MS4A15: variants seen among roughly 807,000 people sequenced by gnomAD.
The protein encoded by MS4A15 is membrane-spanning 4-domains subfamily A member 15.
In MS4A15, 22 loss-of-function variants were observed where a neutral mutation model predicts 20.6. That is an observed-to-expected ratio of 1.07 (90% confidence interval 0.76 to 1.52). The LOEUF is 1.52. Among genes scored for constraint, MS4A15 ranks in the 40% most tolerant of loss-of-function variants. The probability of loss-of-function intolerance (pLI) is 0.00; values close to 1 mark genes in which losing one functional copy is unlikely to be tolerated. For missense variants in MS4A15, 312 were observed against 323.0 expected (o/e 0.97, Z 0.26); for synonymous variants, 129 against 129.3 (o/e 1.00, Z 0.02).
At chr11:60,775,493 C>T (rs542526418) in intron 6 of MS4A15, 112 bp from the exon 7 acceptor site, 3 of 794,294 alleles carry the variant, frequency 3.8e-6, no homozygotes, top group African/African-American at 1.7e-5. Flanking sequence ...TTCAGACTTG[C>T]GGAATTCAGT....
rs117032915 is a variant in MS4A15, at chr11:60,761,367, T to A, written c.-28-2339T>A. Among the ~76,000 whole-genome samples, 123 of 152,354 alleles carry A rather than the reference T, an allele frequency of 8.1e-4. 2 individuals carry two copies. The East Asian group carries it at 0.022, about 27-fold the overall frequency. ...TGACCTTTATTTCTGCTATTACCAC[T>A]AATCTTACTGAGGTCTCTAATGAAG... On this transcript the variant is annotated intron_variant, in intron 1 of 6. Transcript: ENST00000405633.
Position 60,773,908 on chromosome 11 carries a change from C to T in MS4A15, c.570C>T (p.Ala190=), listed in dbSNP as rs1854113118. 6.2e-7 allele frequency: 1 copy of T among 1,614,150 alleles called. No individual in the cohort carries two copies. Among genetic ancestry groups the T allele is most frequent in the East Asian group, 2.2e-5 (1 of 44,874 alleles). ...TGGAGTTCTTCACAGCGGTCATTGC[C>T]ATGCACTTCGGGTGCCAAGCCATCC... ...TVLEFFTAVI[A]MHFGCQAIHA... is the part of the protein sequence containing the mutation. Residue 190 remains alanine, a synonymous_variant, in exon 6 of 7, where the codon GCC becomes GCT. Coordinates refer to ENST00000405633, the MANE Select transcript of MS4A15 (RefSeq NM_001098835.2).
chr11:60,773,709 AG>A (rs1854104023), intron 5 of MS4A15, 127 bp from the exon 6 acceptor site: 12 of 853,600 alleles, frequency 1.4e-5, no homozygotes, highest in Non-Finnish European at 2.4e-5. Context: ...GACTGGCGGC[AG>A]GGGGACTGGC....
intron 1 of MS4A15, among the ~76,000 whole-genome samples, chr11:60,760,081 A>C (rs546190673): frequency 1.3e-4 from 20 of 152,272 alleles, no homozygotes; most frequent in African/African-American, 4.3e-4. Flanking sequence ...AAATACCCAC[A>C]GGTGTGGAGG....
intron 3 of MS4A15, 77 bp from the exon 4 acceptor site, chr11:60,771,214 C>A: frequency 6.4e-7 from 1 of 1,562,522 alleles, no homozygotes; most frequent in South Asian, 1.1e-5. Flanking sequence ...CCTGGCACCT[C>A]TTGACAGATC....
At chr11:60,773,537 ATG>A (rs1294243762) in intron 5 of MS4A15, 53 bp downstream of exon 5, 27 of 1,530,382 alleles carry the variant, frequency 1.8e-5, no homozygotes, top group Non-Finnish European at 2.4e-5. Context: ...TGATGCAGCC[ATG>A]TCCAGGAGGG....
intron 1 of MS4A15, among the ~76,000 whole-genome samples, chr11:60,758,088 G>A (rs1590971982): frequency 1.3e-5 from 2 of 152,134 alleles, no homozygotes; most frequent in South Asian, 4.1e-4. Flanking sequence ...ACTGTGTGGT[G>A]GAGTGAGTAC....
chr11:60,760,068 G>A (rs1014771740), intron 1 of MS4A15, among the ~76,000 whole-genome samples: 9 of 152,164 alleles, frequency 5.9e-5, no homozygotes, highest in South Asian at 2.1e-4. Flanking sequence ...TCCACCTGAC[G>A]AGAAATACCC....
intron 2 of MS4A15, among the ~76,000 whole-genome samples, chr11:60,766,875 G>A (rs892715457): frequency 2.0e-5 from 3 of 152,342 alleles, no homozygotes; most frequent in African/African-American, 7.2e-5. Context: ...GGCTCCCAGG[G>A]CTGGATTCCA....
At chr11:60,772,420 C>T (rs1026264906) in intron 4 of MS4A15, among the ~76,000 whole-genome samples, 7 of 152,224 alleles carry the variant, frequency 4.6e-5, no homozygotes, top group Non-Finnish European at 5.9e-5. Flanking sequence ...GAGGACTCTC[C>T]GGACCAAACC....
chr11:60,773,354 G>T (rs1854091006), intron 4 of MS4A15, 38 bp from the exon 5 acceptor site: 3 of 1,554,874 alleles, frequency 1.9e-6, no homozygotes, highest in Non-Finnish European at 2.6e-6. Flanking sequence ...CCTTCTCTTT[G>T]CCTATTCCCT....
intron 4 of MS4A15, 99 bp from the exon 5 acceptor site, chr11:60,773,293 G>C (rs941925651): frequency 1.1e-6 from 1 of 912,308 alleles, no homozygotes; most frequent in African/African-American, 1.7e-5. Context: ...TTGGCTGTGG[G>C]AGGCAGCGTG....
At chr11:60,766,918 G>A (rs1044008881) in intron 2 of MS4A15, among the ~76,000 whole-genome samples, 1 of 152,166 alleles carries the variant, frequency 6.6e-6, no homozygotes, top group African/African-American at 2.4e-5. Flanking sequence ...ACTCAGTTCC[G>A]GAATTCAATA....
rs1407295696 is a variant in MS4A15 at position 60,776,579 on chromosome 11, G to A, written c.*864G>A. Reference sequence around the variant, plus strand: ...CCCTTCCCCACCCCCATAGCCCAAGGACAAGGCTACCACAGAAGGTTACCA... The same window carrying A: ...CCCTTCCCCACCCCCATAGCCCAAGAACAAGGCTACCACAGAAGGTTACCA... On this transcript the variant is annotated 3_prime_UTR_variant, in exon 7 of 7. Transcript: ENST00000405633. 1 of 152,288 alleles carries A rather than the reference G, an allele frequency of 6.6e-6. No homozygotes were observed. The highest frequency in any genetic ancestry group is 1.5e-5 in the Non-Finnish European group (1 of 68,142). 9.4% of individuals were successfully genotyped at this position (152,288 alleles called of 1,614,324 possible). A position where few individuals can be genotyped will look rare whatever the true frequency, so the allele number is the denominator to read the frequency against.
chr11:60,773,734 C>A, intron 5 of MS4A15, 103 bp from the exon 6 acceptor site: 1 of 997,138 alleles, frequency 1.0e-6, no homozygotes, highest in Non-Finnish European at 1.6e-6. Flanking sequence ...AGGCACAGCT[C>A]TGCTCCCAAC....
At chr11:60,773,634 C>A (rs996389066) in intron 5 of MS4A15, 150 bp downstream of exon 5, 9 of 812,688 alleles carry the variant, frequency 1.1e-5, no homozygotes, top group Non-Finnish European at 1.6e-5. Context: ...ATCCTCTGAG[C>A]CTTCCCCAAG....
intron 4 of MS4A15, chr11:60,771,629 A>G: frequency 1.4e-6 from 2 of 1,464,962 alleles, no homozygotes; most frequent in Non-Finnish European, 1.8e-6. Flanking sequence ...GATCTCCTGT[A>G]AGAGTCCTGC....
At chr11:60,770,276 G>A (rs567736179) in intron 3 of MS4A15, among the ~76,000 whole-genome samples, 2 of 152,270 alleles carry the variant, frequency 1.3e-5, no homozygotes, top group East Asian at 1.9e-4. Context: ...TTTCTTCACT[G>A]TTTGCTAAGT....
rs915507576 is a variant in MS4A15 at position 60,756,950 on chromosome 11, A to G, written c.-137A>G. On this transcript the variant is annotated 5_prime_UTR_variant, in exon 1 of 7. Transcript: ENST00000405633. ...TTCAGCTGAAATTGTCTAAGAACTC[A>G]TTCTTGGCGTTCACTGCAAGCTATA... 6.6e-6 allele frequency: 1 copy of G among 151,406 alleles called. No individual in the cohort carries two copies. The highest frequency in any genetic ancestry group is 1.5e-5 in the Non-Finnish European group (1 of 67,878). 9.4% of individuals were successfully genotyped at this position (151,406 alleles called of 1,614,324 possible).
Sources: allele counts gnomAD v4.1 joint callset (sites outside exome capture counted in the v4.1 genomes callset), GRCh38; gene constraint gnomAD v4.1.1; transcripts MANE v1.5; gene names NCBI Gene and HGNC (gene_info 2026-07-23, HGNC 2026-07-21).